The following NLGN4Y variants were observed in gnomAD, a reference collection of about 807,000 sequenced individuals.
NLGN4Y encodes neuroligin 4 Y-linked.
NLGN4Y carries 4 observed loss-of-function variants against 8.4 expected under a neutral mutation model. The observed-to-expected ratio is 0.48, with a 90% confidence interval of 0.23 to 1.09. The LOEUF is 1.09. Ranked by LOEUF, NLGN4Y falls within the 50% of genes least tolerant of loss-of-function variation. The pLI is 0.19. For synonymous variants in NLGN4Y, 35 were observed against 75.6 expected, an observed-to-expected ratio of 0.46 and a Z score of 2.78; for missense variants, 90 against 192.3, an observed-to-expected ratio of 0.47 and a Z score of 3.15.
chrY:14,752,217 T>A (rs775873421), intron 4 of NLGN4Y, among the ~76,000 whole-genome samples: 25 of 33,391 alleles, frequency 7.5e-4, no homozygotes, highest in African/African-American at 2.9e-3. Context: ...CCCATATCAC[T>A]AAAGTTCAAC....
At chrY:14,684,777 T>A in intron 2 of NLGN4Y, among the ~76,000 whole-genome samples, 1 of 33,464 alleles carries the variant, frequency 3.0e-5, no homozygotes, top group African/African-American at 1.2e-4. Flanking sequence ...ACATCTTTAA[T>A]CTTCAGTGAC....
chrY:14,819,221 C>T, intron 4 of NLGN4Y, among the ~76,000 whole-genome samples: 1 of 33,306 alleles, frequency 3.0e-5, no homozygotes, highest in Non-Finnish European at 7.4e-5. Context: ...TGGGTTACAG[C>T]TTGCTGACCA....
At chrY:14,557,555 T>C (rs2080214299) in intron 1 of NLGN4Y, among the ~76,000 whole-genome samples, 1 of 33,334 alleles carries the variant, frequency 3.0e-5, no homozygotes, top group Non-Finnish European at 7.4e-5. Flanking sequence ...AAATAATCCT[T>C]GAGGACAACC....
chrY:14,697,535 TAGAA>T (rs2080834404), intron 2 of NLGN4Y, among the ~76,000 whole-genome samples: 3 of 23,294 alleles, frequency 1.3e-4, no homozygotes, highest in African/African-American at 5.8e-4. Flanking sequence ...GATAGATAGA[TAGAA>T]GGTAGAGATA....
intron 2 of NLGN4Y, among the ~76,000 whole-genome samples, chrY:14,710,262 C>T: frequency 8.9e-5 from 3 of 33,561 alleles, no homozygotes; most frequent in Non-Finnish European, 2.2e-4. Context: ...ACCTGTAATG[C>T]AGCACCTTGG....
At chrY:14,586,996 G>T (rs765000923) in intron 1 of NLGN4Y, among the ~76,000 whole-genome samples, 66 of 33,384 alleles carry the variant, frequency 2.0e-3, no homozygotes, top group South Asian at 6.8e-3. Flanking sequence ...CCCACCACCA[G>T]CCAAGGGTCG....
intron 1 of NLGN4Y, among the ~76,000 whole-genome samples, chrY:14,600,533 ATAAGT>A (rs2080423353): frequency 1.2e-4 from 4 of 32,412 alleles, no homozygotes; most frequent in African/African-American, 4.8e-4. Flanking sequence ...TTGATATATA[ATAAGT>A]TAAGTACAAA....
At chrY:14,812,117 G>C in intron 4 of NLGN4Y, among the ~76,000 whole-genome samples, 1 of 33,206 alleles carries the variant, frequency 3.0e-5, no homozygotes, top group Non-Finnish European at 7.4e-5. Flanking sequence ...GCAGGCAAGA[G>C]AGCATGTGCA....
intron 4 of NLGN4Y, among the ~76,000 whole-genome samples, chrY:14,794,966 C>T: frequency 3.0e-5 from 1 of 33,817 alleles, no homozygotes; most frequent in Non-Finnish European, 7.3e-5. Flanking sequence ...CCTCTGCTTC[C>T]GGGGTTCAAG....
intron 2 of NLGN4Y, among the ~76,000 whole-genome samples, chrY:14,657,342 T>C: frequency 6.1e-5 from 2 of 32,666 alleles, no homozygotes; most frequent in African/African-American, 2.4e-4. Context: ...CTTGGGCTCC[T>C]CTTGATTGTG....
chrY:14,829,631 T>A, intron 5 of NLGN4Y, 99 bp from the exon 6 acceptor site: 1 of 296,182 alleles, frequency 3.4e-6, no homozygotes, highest in Non-Finnish European at 5.1e-6. Context: ...CATCCAGAAA[T>A]TCACATGCTT....
intron 3 of NLGN4Y, 96 bp from the exon 4 acceptor site, chrY:14,723,021 A>T: frequency 3.8e-6 from 1 of 260,622 alleles, no homozygotes; most frequent in Non-Finnish European, 6.0e-6. Context: ...AAGTCAAAAT[A>T]AGGAAATCAG....
intron 1 of NLGN4Y, among the ~76,000 whole-genome samples, chrY:14,614,227 T>C: frequency 2.9e-5 from 1 of 33,999 alleles, no homozygotes; most frequent in Non-Finnish European, 7.3e-5. Flanking sequence ...GCTATATAGA[T>C]GTATTCTTTT....
chrY:14,555,672 G>A, intron 1 of NLGN4Y, among the ~76,000 whole-genome samples: 1 of 33,036 alleles, frequency 3.0e-5, no homozygotes, highest in Non-Finnish European at 7.4e-5. Flanking sequence ...ATGCCTCCTG[G>A]TATTTTTCAA....
intron 1 of NLGN4Y, among the ~76,000 whole-genome samples, chrY:14,549,695 G>A (rs898325077): frequency 3.0e-5 from 1 of 33,125 alleles, no homozygotes; most frequent in African/African-American, 1.2e-4. Context: ...CTAATTTACT[G>A]ATTCCTCTCT....
chrY:14,803,232 TTATAA>T (rs2043044382), intron 4 of NLGN4Y, among the ~76,000 whole-genome samples: 8 of 25,688 alleles, frequency 3.1e-4, no homozygotes, highest in Admixed American at 2.1e-3. Context: ...AATTTATATA[TTATAA>T]TATATGATTA....
At chrY:14,818,830 C>T in intron 4 of NLGN4Y, among the ~76,000 whole-genome samples, 1 of 33,270 alleles carries the variant, frequency 3.0e-5, no homozygotes, top group Admixed American at 2.8e-4. Flanking sequence ...CACTGATCTC[C>T]CTTTTCCTTT....
chrY:14,828,994 A>T, intron 5 of NLGN4Y, among the ~76,000 whole-genome samples: 1 of 32,239 alleles, frequency 3.1e-5, no homozygotes, highest in Non-Finnish European at 7.6e-5. Context: ...CAAGTGGAGA[A>T]TTTTTCCTAT....
At chrY:14,681,115 T>C (rs973040882) in intron 2 of NLGN4Y, among the ~76,000 whole-genome samples, 1 of 33,479 alleles carries the variant, frequency 3.0e-5, no homozygotes, top group Non-Finnish European at 7.4e-5. Context: ...ACCAACCCAA[T>C]TCCCTTTGCC....
Sources: gnomAD v4.1 joint callset for allele counts (sites outside exome capture counted in the v4.1 genomes callset) on GRCh38, gnomAD v4.1.1 for gene constraint, MANE v1.5 for transcripts, NCBI Gene and HGNC (gene_info 2026-07-23, HGNC 2026-07-21) for gene names.